The following RBM19 variants were observed in gnomAD, a reference collection of about 807,000 sequenced individuals.
The protein encoded by RBM19 is RNA binding motif protein 19.
A neutral mutation model predicts 116.8 loss-of-function variants in RBM19; 94 were observed. That is an observed-to-expected ratio of 0.80 (90% confidence interval 0.68 to 0.95). The LOEUF (loss-of-function observed/expected upper bound fraction) is 0.95, where lower values mean the gene tolerates loss of function less well. RBM19 is among the 40% of genes least tolerant of loss of function. The pLI, the probability that RBM19 is intolerant of heterozygous loss-of-function variation, is 0.00. For missense variants in RBM19, 1,161 were observed against 1,220.7 expected, an observed-to-expected ratio of 0.95 and a Z score of 0.73; for synonymous variants, 475 against 494.1, an observed-to-expected ratio of 0.96 and a Z score of 0.51.
chr12:113,838,381 A>G (rs1593465501), intron 23 of RBM19, among the ~76,000 whole-genome samples: 1 of 152,202 alleles, frequency 6.6e-6, no homozygotes, highest in African/African-American at 2.4e-5. Context: ...CCACAGGATG[A>G]GCATGCAAAC....
At chr12:113,953,717 C>T (rs1228732653) in intron 7 of RBM19, among the ~76,000 whole-genome samples, 1 of 152,210 alleles carries the variant, frequency 6.6e-6, no homozygotes, top group Admixed American at 6.5e-5. Flanking sequence ...GTGCCAAAGC[C>T]TTAGAATTGT....
At chr12:113,936,769 T>C in intron 16 of RBM19, 1 of 449,580 alleles carries the variant, frequency 2.2e-6, no homozygotes, top group Non-Finnish European at 3.9e-6. Context: ...TAATAGATAG[T>C]AATTTTTTTC....
At chr12:113,888,213 GA>G (rs959246682) in intron 21 of RBM19, among the ~76,000 whole-genome samples, 1 of 151,776 alleles carries the variant, frequency 6.6e-6, no homozygotes, top group African/African-American at 2.4e-5. Context: ...TGCTTTTAGT[GA>G]AAAAAAACTC....
chr12:113,926,082 C>T (rs141221852), intron 17 of RBM19, among the ~76,000 whole-genome samples: 2 of 152,220 alleles, frequency 1.3e-5, no homozygotes, highest in African/African-American at 4.8e-5. Flanking sequence ...GGCTGCTCTT[C>T]TACTAGGTAA....
At chr12:113,880,458 C>T (rs563041137) in intron 21 of RBM19, among the ~76,000 whole-genome samples, 39 of 152,292 alleles carry the variant, frequency 2.6e-4, no homozygotes, top group South Asian at 1.0e-3. Flanking sequence ...CTGACAGGTA[C>T]GACAGCTCTT....
intron 21 of RBM19, among the ~76,000 whole-genome samples, chr12:113,889,936 AGC>A (rs1359554674): frequency 6.6e-6 from 1 of 150,902 alleles, no homozygotes; most frequent in Non-Finnish European, 1.5e-5. Flanking sequence ...AGAGAGCCTC[AGC>A]GCTCAGATCC....
chr12:113,936,948 C>A, intron 16 of RBM19, 59 bp downstream of exon 16: 1 of 1,589,198 alleles, frequency 6.3e-7, no homozygotes, highest in Admixed American at 1.8e-5. Flanking sequence ...CTGCCCCCAA[C>A]CCTCCTCCTT....
At chr12:113,961,543 G>A (rs1183051233) in intron 2 of RBM19, among the ~76,000 whole-genome samples, 5 of 152,164 alleles carry the variant, frequency 3.3e-5, no homozygotes, top group Non-Finnish European at 7.3e-5. Flanking sequence ...TATGGATAGA[G>A]GAATACGATT....
chr12:113,952,262 G>A lies in RBM19; in HGVS notation c.1000+250C>T, dbSNP rs1871534434. Among the ~76,000 whole-genome samples, 3 of 152,188 alleles carry A rather than the reference G, an allele frequency of 2.0e-5. No homozygotes were observed. The South Asian group carries it at 6.2e-4, about 32-fold the overall frequency. On this transcript the variant is annotated intron_variant, in intron 8 of 23. Transcript: ENST00000261741. Reference sequence around the variant, plus strand: ...GTAATAGGTGAGCCCACTGAGATAGGCAAAGGCTAAGATGAGGAAGGGAAG... The same window carrying A: ...GTAATAGGTGAGCCCACTGAGATAGACAAAGGCTAAGATGAGGAAGGGAAG...
intron 21 of RBM19, among the ~76,000 whole-genome samples, chr12:113,884,334 C>T (rs913155870): frequency 8.7e-5 from 13 of 148,574 alleles, no homozygotes; most frequent in South Asian, 2.2e-4. Flanking sequence ...CACACACACA[C>T]GTACTTTTTG....
intron 22 of RBM19, among the ~76,000 whole-genome samples, chr12:113,845,336 C>T (rs1876869140): frequency 6.6e-6 from 1 of 151,916 alleles, no homozygotes; most frequent in African/African-American, 2.4e-5. Context: ...AACTCCCGCT[C>T]CCAGCTCCCA....
chr12:113,820,309 A>T (rs1188734640), downstream of RBM19, among the ~76,000 whole-genome samples: 1 of 152,182 alleles, frequency 6.6e-6, no homozygotes, highest in East Asian at 1.9e-4. Flanking sequence ...CTGCATTCAA[A>T]GCCCAAGCTT....
At chr12:113,829,323 G>C (rs1441889656) in intron 23 of RBM19, among the ~76,000 whole-genome samples, 2 of 152,200 alleles carry the variant, frequency 1.3e-5, no homozygotes, top group Non-Finnish European at 2.9e-5. Flanking sequence ...CTAAGAACTA[G>C]GTATGATCTG....
chr12:113,879,302 G>A (rs2135784830), intron 21 of RBM19, among the ~76,000 whole-genome samples: 1 of 152,100 alleles, frequency 6.6e-6, no homozygotes, highest in East Asian at 1.9e-4. Context: ...TCCCTTCCCT[G>A]TCTGTCCTGC....
rs373537959 is a variant in RBM19, at chr12:113,957,568, A to AAAAAT, written c.840+209_840+213dup. Among the ~76,000 whole-genome samples the AAAAAT allele has an allele frequency of 7.8e-4, 119 of 151,700 alleles. 1 individual carries two copies. In the East Asian group the frequency reaches 0.014, roughly 18 times the overall value. On this transcript the variant is annotated intron_variant, in intron 6 of 23. Transcript: ENST00000261741. ...GGTGACAGAGTGAGACTCTGTCTCA[A>AAAAAT]AAAATAAAATAAAATAAAATAAAAA... is the stretch of plus-strand genomic sequence containing the variant.
intron 21 of RBM19, among the ~76,000 whole-genome samples, chr12:113,884,159 T>C (rs549594316): frequency 7.5e-5 from 11 of 147,548 alleles, no homozygotes; most frequent in African/African-American, 2.7e-4. Flanking sequence ...TGATGCAAGA[T>C]TGTGGACCCA....
At chr12:113,927,768 G>T (rs536379220) in intron 16 of RBM19, among the ~76,000 whole-genome samples, 1 of 152,146 alleles carries the variant, frequency 6.6e-6, no homozygotes, top group East Asian at 1.9e-4. Flanking sequence ...ATTACTTCAG[G>T]AAGCATATAC....
At chr12:113,848,786 G>A (rs189366262) in intron 22 of RBM19, among the ~76,000 whole-genome samples, 1 of 152,156 alleles carries the variant, frequency 6.6e-6, no homozygotes, top group Non-Finnish European at 1.5e-5. Flanking sequence ...ATGCTCCTCT[G>A]CCAAAACAGC....
At chr12:113,965,280 T>TA (rs144243457) in intron 1 of RBM19, among the ~76,000 whole-genome samples, 12,459 of 96,362 alleles carry the variant, frequency 0.13, 1,583 homozygotes, top group African/African-American at 0.36. Flanking sequence ...AGACTCCGTT[T>TA]AAAAAAAAAA....
Sources: gnomAD v4.1 joint callset for allele counts (sites outside exome capture counted in the v4.1 genomes callset) on GRCh38, gnomAD v4.1.1 for gene constraint, MANE v1.5 for transcripts, NCBI Gene and HGNC (gene_info 2026-07-23, HGNC 2026-07-21) for gene names.